The following ADAMTS19 variants were observed in gnomAD, a reference collection of about 807,000 sequenced individuals.
ADAMTS19 encodes the protein A disintegrin and metalloproteinase with thrombospondin motifs 19.
In ADAMTS19, 93 loss-of-function variants were observed where a neutral mutation model predicts 153.3. The observed-to-expected ratio is 0.61, with a 90% confidence interval of 0.51 to 0.72. The LOEUF (loss-of-function observed/expected upper bound fraction) is 0.72. ADAMTS19 is among the 30% of genes least tolerant of loss of function. The pLI is 0.00. For missense variants in ADAMTS19, 1,482 were observed against 1,552.1 expected, an observed-to-expected ratio of 0.95 and a Z score of 0.76; for synonymous variants, 600 against 556.6, an observed-to-expected ratio of 1.08 and a Z score of -1.10.
chr5:129,596,713 A>G (rs761802682), intron 8 of ADAMTS19, 49 bp downstream of exon 8: 18 of 1,351,720 alleles, frequency 1.3e-5, no homozygotes, highest in Non-Finnish European at 1.7e-5. Context: ...ATAACTTTGT[A>G]ATTCGAGTTA....
At chr5:129,645,913 G>A (rs1753041398) in intron 11 of ADAMTS19, among the ~76,000 whole-genome samples, 1 of 80,528 alleles carries the variant, frequency 1.2e-5, no homozygotes. Context: ...TTTTGAGACG[G>A]AGTCTCGCTC....
In ADAMTS19 at chr5:129,512,293, A is replaced by G. The variant is rs1332693902; in HGVS notation, c.913+3051A>G. On this transcript the variant is annotated intron_variant, in intron 3 of 22. Transcript: ENST00000274487. Reference sequence around the variant, plus strand: ...CTGAACTAGTTCCCATACTCCAACCATAAGTATTGTGGAGATTATTGTCAA... The same window carrying G: ...CTGAACTAGTTCCCATACTCCAACCGTAAGTATTGTGGAGATTATTGTCAA... Among the ~76,000 whole-genome samples the G allele has an allele frequency of 5.3e-5, 8 of 152,136 alleles. No homozygotes were observed. The East Asian group carries it at 5.8e-4, about 11-fold the overall frequency.
intron 2 of ADAMTS19, among the ~76,000 whole-genome samples, chr5:129,475,921 T>C (rs945449136): frequency 1.3e-5 from 2 of 152,254 alleles, no homozygotes; most frequent in African/African-American, 4.8e-5. Flanking sequence ...TCAAAGAAAC[T>C]TCCTGGACTT....
intron 12 of ADAMTS19, among the ~76,000 whole-genome samples, 174 bp from the exon 13 acceptor site, chr5:129,648,624 T>C (rs1456763781): frequency 6.6e-6 from 1 of 152,136 alleles, no homozygotes; most frequent in Non-Finnish European, 1.5e-5. Flanking sequence ...AAAATATATA[T>C]AGTTAAAGAA....
At chr5:129,572,354 G>A (rs1753940366) in intron 7 of ADAMTS19, among the ~76,000 whole-genome samples, 1 of 151,864 alleles carries the variant, frequency 6.6e-6, no homozygotes. Flanking sequence ...TTTGGAAAAT[G>A]GTGTGGCAGT....
chr5:129,645,296 T>C (rs1753010482), intron 11 of ADAMTS19, among the ~76,000 whole-genome samples: 1 of 152,232 alleles, frequency 6.6e-6, no homozygotes, highest in Non-Finnish European at 1.5e-5. Context: ...CTGCTCTCCA[T>C]AATATCCCTA....
intron 21 of ADAMTS19, among the ~76,000 whole-genome samples, chr5:129,724,675 A>C (rs191916067): frequency 3.0e-4 from 46 of 152,320 alleles, no homozygotes; most frequent in African/African-American, 1.1e-3. Flanking sequence ...TCTTTCGTAG[A>C]AAGAGAAGGA....
rs116820914 is a variant in ADAMTS19, at chr5:129,676,070, T to C, written c.2507-3694T>C. Among the ~76,000 whole-genome samples, 32 of 152,194 alleles carry C rather than the reference T, an allele frequency of 2.1e-4. 1 individual carries two copies. The highest frequency in any genetic ancestry group is 5.9e-4 in the Admixed American group (9 of 15,274). On this transcript the variant is annotated intron_variant, in intron 16 of 22. Coordinates refer to ENST00000274487, the MANE Select transcript of ADAMTS19 (RefSeq NM_133638.6). ...ATAATAATAAAAAAAAGCCTTGGTC[T>C]ACAAATTCTGTCATCTCTATTATTC...
intron 2 of ADAMTS19, among the ~76,000 whole-genome samples, chr5:129,507,661 C>T (rs1200892124): frequency 4.2e-5 from 6 of 142,280 alleles, no homozygotes; most frequent in East Asian, 2.1e-4. Context: ...TGCCTGTGTA[C>T]GTGTGTGTGT....
chr5:129,641,822 A>G, intron 10 of ADAMTS19, 37 bp from the exon 11 acceptor site: 1 of 1,371,994 alleles, frequency 7.3e-7, no homozygotes, highest in Non-Finnish European at 1.0e-6. Context: ...AAAATGTGAT[A>G]CCTTCCCCTT....
Position 129,647,739 on chromosome 5 carries a change from C to T in ADAMTS19, c.1873-26C>T, listed in dbSNP as rs1376428101. On this transcript the variant is annotated intron_variant, in intron 11 of 22. Transcript: ENST00000274487. ...ATTTTCAGTTGTGCCCTGATTTGTT[C>T]ACCTAAGACATAACTTTTGGAATAG... 4 of 1,608,332 alleles carry T rather than the reference C, an allele frequency of 2.5e-6. No homozygotes were observed. The South Asian group carries it at 3.3e-5, about 13-fold the overall frequency.
At chr5:129,724,350 T>A (rs1757120747) in intron 21 of ADAMTS19, among the ~76,000 whole-genome samples, 1 of 152,180 alleles carries the variant, frequency 6.6e-6, no homozygotes, top group Non-Finnish European at 1.5e-5. Context: ...TTTTTTAACG[T>A]TAATGCTGGT....
At position 129,526,437 on chromosome 5, in the gene ADAMTS19, T is replaced by C; in HGVS notation, c.1067T>C (p.Ile356Thr). Residue 356 changes from isoleucine (I) to threonine (T), a missense_variant, in exon 4 of 23, where the codon ATT (isoleucine) becomes ACT (threonine). By Grantham distance (89) the Ile-to-Thr change is moderately conservative. Transcript: ENST00000274487. ...YHGADAARRFILTILNMVFNL... is the reference protein window; with the variant it reads ...YHGADAARRFTLTILNMVFNL... ...GGAGCAGATGCAGCCAGGAGATTCA[T>C]TCTAACCATCTTAAATATGGTAGGC... The C allele has an allele frequency of 1.3e-6, 2 of 1,596,556 alleles. No individual in the cohort carries two copies. The highest frequency in any genetic ancestry group is 8.5e-7 in the Non-Finnish European group (1 of 1,173,620).
At chr5:129,682,072 A>C (rs76901291) in intron 17 of ADAMTS19, among the ~76,000 whole-genome samples, 1 of 152,112 alleles carries the variant, frequency 6.6e-6, no homozygotes, top group Non-Finnish European at 1.5e-5. Flanking sequence ...TTAAAACACT[A>C]TATGTGAGAC....
rs145536590 is a variant in ADAMTS19, at chr5:129,637,994, G to A, written c.1771-3865G>A. 8.9e-4 allele frequency among the ~76,000 whole-genome samples: 135 copies of A among 152,232 alleles called. 1 individual carries two copies. The highest frequency in any genetic ancestry group is 3.0e-3 in the African/African-American group (123 of 41,544). On this transcript the variant is annotated intron_variant, in intron 10 of 22. Transcript: ENST00000274487. Reference sequence around the variant, plus strand: ...GGGGAGGGTGGGAGGAGGGAAAGGAGCAGAAAAGGTAATGATTGGGTACTG... The same window carrying A: ...GGGGAGGGTGGGAGGAGGGAAAGGAACAGAAAAGGTAATGATTGGGTACTG...
chr5:129,619,782 T>C (rs552527724), intron 8 of ADAMTS19, among the ~76,000 whole-genome samples: 4 of 152,094 alleles, frequency 2.6e-5, no homozygotes, highest in African/African-American at 9.6e-5. Flanking sequence ...GAGATGACAG[T>C]TGAGTGAAAC....
chr5:129,510,044 G>A (rs572676782), intron 3 of ADAMTS19, among the ~76,000 whole-genome samples: 1 of 151,888 alleles, frequency 6.6e-6, no homozygotes, highest in South Asian at 2.1e-4. Context: ...ACATCTCAGG[G>A]TATTTACTGA....
intron 3 of ADAMTS19, among the ~76,000 whole-genome samples, chr5:129,511,393 T>G (rs1751435057): frequency 6.6e-6 from 1 of 151,778 alleles, no homozygotes. Context: ...GGCCTCAGGT[T>G]CAAGGCCCAG....
intron 21 of ADAMTS19, among the ~76,000 whole-genome samples, chr5:129,706,308 G>A (rs181198441): frequency 4.6e-5 from 7 of 152,252 alleles, no homozygotes; most frequent in East Asian, 3.9e-4. Flanking sequence ...AGTGGCTCAC[G>A]CCTGTAATCC....
Sources: gnomAD v4.1 joint callset for allele counts (sites outside exome capture counted in the v4.1 genomes callset) on GRCh38, gnomAD v4.1.1 for gene constraint, MANE v1.5 for transcripts, NCBI Gene and HGNC (gene_info 2026-07-23, HGNC 2026-07-21) for gene names.